Variants in CACNA1C observed in about 807,000 individuals in gnomAD.
The protein encoded by CACNA1C is voltage-dependent L-type calcium channel subunit alpha-1C.
Under a neutral mutation model 229.0 loss-of-function variants are expected in CACNA1C, and 30 were observed. The ratio of observed to expected loss-of-function variants is 0.13; its 90% CI spans 0.10 to 0.18. CACNA1C has a LOEUF of 0.18. Among genes scored for constraint, CACNA1C ranks in the 10% least tolerant of loss-of-function variants. The probability of loss-of-function intolerance (pLI) is 1.00; values close to 1 mark genes in which losing one functional copy is unlikely to be tolerated. For synonymous variants in CACNA1C, 1,114 were observed against 1,132.5 expected (o/e 0.98, Z 0.33); for missense variants, 1,658 against 2,845.0 (o/e 0.58, Z 9.49).
intron 3 of CACNA1C, among the ~76,000 whole-genome samples, chr12:2,400,263 C>T (rs1018002711): frequency 2.0e-5 from 3 of 152,184 alleles, no homozygotes; most frequent in African/African-American, 4.8e-5. Context: ...CCAGGTCATT[C>T]CTTCGTGCCC....
In CACNA1C at chr12:2,067,807, G is replaced by A. The variant is rs185952814; in HGVS notation, c.49+14196G>A. Among the ~76,000 whole-genome samples, 50 of 152,204 alleles carry A rather than the reference G, an allele frequency of 3.3e-4. No individual in the cohort carries two copies. The highest frequency in any genetic ancestry group is 3.3e-4 in the Admixed American group (5 of 15,284). ...CAAGACCACAAGTGCCAACCTCAGC[G>A]CACTCACCTGGAGAATACTTACCTT... On this transcript the variant is annotated intron_variant, in intron 1 of 46. Coordinates refer to ENST00000399655, the MANE Select transcript of CACNA1C (RefSeq NM_000719.7). This position sits in a 1 kb window ranked among gnomAD's most constrained non-coding sequence, Gnocchi z 5.3.
intron 18 of CACNA1C, among the ~76,000 whole-genome samples, chr12:2,589,408 T>C (rs2064083910): frequency 6.6e-6 from 1 of 152,214 alleles, no homozygotes; most frequent in South Asian, 2.1e-4. Flanking sequence ...TCAAAAGAAC[T>C]AGACATGGAA....
At chr12:2,367,719 AAG>A (rs1431337824) in intron 3 of CACNA1C, among the ~76,000 whole-genome samples, 22 of 152,204 alleles carry the variant, frequency 1.4e-4, no homozygotes, top group Non-Finnish European at 3.2e-4. Context: ...AGAAATAAAA[AAG>A]AGCAAAAATT....
chr12:2,003,199 G>A (rs114899910), intron 1 of CACNA1C, among the ~76,000 whole-genome samples: 276 of 152,130 alleles, frequency 1.8e-3, no homozygotes, highest in African/African-American at 5.8e-3. Context: ...TTTACTACAG[G>A]CTGCTGAACT....
intron 3 of CACNA1C, among the ~76,000 whole-genome samples, chr12:2,391,405 T>C (rs147706756): frequency 1.8e-4 from 27 of 151,878 alleles, no homozygotes; most frequent in African/African-American, 5.8e-4. Flanking sequence ...GAACCCAGGG[T>C]TGATTTTTGG....
chr12:2,386,923 G>A (rs1409369106), intron 3 of CACNA1C, among the ~76,000 whole-genome samples: 2 of 152,210 alleles, frequency 1.3e-5, no homozygotes. Context: ...CTAAAGGCAG[G>A]AAGAGTAAAT....
rs2238059 is a variant in CACNA1C at position 2,316,102 on chromosome 12, C to T, written c.478-132874C>T. Among the ~76,000 whole-genome samples, 12 of 152,362 alleles carry T rather than the reference C, an allele frequency of 7.9e-5. No homozygotes were observed. The East Asian group carries it at 1.9e-3, about 24-fold the overall frequency. ...GGTGTTTGAGGGTCCCATGCTCCAC[C>T]CAGGAAGCTGCTGGCTCCACTAAGA... On this transcript the variant is annotated intron_variant, in intron 3 of 46. Coordinates refer to ENST00000399655, the MANE Select transcript of CACNA1C (RefSeq NM_000719.7).
intron 13 of CACNA1C, 140 bp downstream of exon 13, chr12:2,567,934 T>C: frequency 1.7e-6 from 1 of 593,480 alleles, no homozygotes; most frequent in South Asian, 2.2e-5. Context: ...GCAATGGGGG[T>C]AGTTTGTGTT....
chr12:2,300,922 C>T (rs973292385), intron 3 of CACNA1C, among the ~76,000 whole-genome samples: 3 of 152,166 alleles, frequency 2.0e-5, no homozygotes, highest in Admixed American at 6.5e-5. Flanking sequence ...ACAAGAGTGA[C>T]GGCTGAGATG....
At chr12:2,192,541 C>T (rs2097271833) in intron 3 of CACNA1C, among the ~76,000 whole-genome samples, 1 of 152,252 alleles carries the variant, frequency 6.6e-6, no homozygotes, top group Non-Finnish European at 1.5e-5. Context: ...GTCACTGTCT[C>T]AGAAGGCAGA....
chr12:2,674,415 A>G, intron 38 of CACNA1C, 126 bp from the exon 39 acceptor site: 1 of 1,352,386 alleles, frequency 7.4e-7, no homozygotes, highest in South Asian at 1.6e-5. Flanking sequence ...GAAGCAAGCA[A>G]GAAAGAAACT....
At chr12:2,426,557 A>C (rs555140159) in intron 3 of CACNA1C, among the ~76,000 whole-genome samples, 1 of 152,246 alleles carries the variant, frequency 6.6e-6, no homozygotes, top group African/African-American at 2.4e-5. Context: ...GAAAGGTGAT[A>C]TATCAGTTAG....
At chr12:2,266,979 G>A (rs1407593145) in intron 3 of CACNA1C, among the ~76,000 whole-genome samples, 1 of 152,184 alleles carries the variant, frequency 6.6e-6, no homozygotes, top group Non-Finnish European at 1.5e-5. Flanking sequence ...TTTATTAAAC[G>A]CTTATGTTGA....
intron 3 of CACNA1C, among the ~76,000 whole-genome samples, chr12:2,188,630 A>G (rs1274440007): frequency 6.6e-6 from 1 of 152,218 alleles, no homozygotes; most frequent in Non-Finnish European, 1.5e-5. Context: ...ACACTGTTTC[A>G]GCAAATTGAT....
rs148852483 is a variant in CACNA1C at position 2,552,880 on chromosome 12, C to T, written c.1481+2847C>T. On this transcript the variant is annotated intron_variant, in intron 10 of 46. Transcript: ENST00000399655. The stretch of plus-strand genomic sequence containing the variant: ...AGAGGAGTAGCATGAGTGTGGGAAG[C>T]GCTGGCCTTCATTGTAATAAAGGCA... Among the ~76,000 whole-genome samples the T allele has an allele frequency of 1.4e-4, 21 of 152,134 alleles. 1 individual carries two copies. In the Middle Eastern group the frequency reaches 0.017, roughly 123 times the overall value.
intron 3 of CACNA1C, among the ~76,000 whole-genome samples, chr12:2,363,056 C>T (rs1001061509): frequency 8.5e-5 from 13 of 152,300 alleles, no homozygotes; most frequent in African/African-American, 3.1e-4. Context: ...GGCTGAACTG[C>T]CTCCTTCCAT....
At position 2,319,803 on chromosome 12, in the gene CACNA1C, C is replaced by T. The variant is rs2095881467; in HGVS notation, c.478-129173C>T. On this transcript the variant is annotated intron_variant, in intron 3 of 46. Transcript: ENST00000399655. The surrounding 1 kb of genome is among the most constrained non-coding windows in gnomAD (Gnocchi z 4.0). Reference sequence around the variant, plus strand: ...GAGCACTAGATGGGAAGGGGCTGGACCCTGAAAGAGCCTGCCAGGTATCCC... The same window carrying T: ...GAGCACTAGATGGGAAGGGGCTGGATCCTGAAAGAGCCTGCCAGGTATCCC... 6.6e-6 allele frequency among the ~76,000 whole-genome samples: 1 copy of T among 152,040 alleles called. No homozygotes were observed. The highest frequency in any genetic ancestry group is 2.1e-4 in the South Asian group (1 of 4,816).
intron 5 of CACNA1C, among the ~76,000 whole-genome samples, chr12:2,471,488 G>T (rs1257207852): frequency 6.6e-6 from 1 of 152,116 alleles, no homozygotes; most frequent in African/African-American, 2.4e-5. Context: ...CAACCCAATG[G>T]CATTTCTATA....
chr12:2,011,406 T>C (rs894165473), intron 1 of CACNA1C: 2 of 152,166 alleles, frequency 1.3e-5, no homozygotes, highest in Non-Finnish European at 2.9e-5. Flanking sequence ...TCCCATTAAC[T>C]AGGTGTGCAC....
Sources: gnomAD v4.1 joint callset for allele counts (sites outside exome capture counted in the v4.1 genomes callset) on GRCh38, gnomAD v4.1.1 for gene constraint, Gnocchi (gnomAD v3.1) non-coding constraint, MANE v1.5 for transcripts, NCBI Gene and HGNC (gene_info 2026-07-23, HGNC 2026-07-21) for gene names.